Variants in SDK1 observed in about 807,000 individuals in gnomAD.
SDK1 encodes protein sidekick-1.
Under a neutral mutation model 245.5 loss-of-function variants are expected in SDK1, and 157 were observed. The observed-to-expected ratio is 0.64, with a 90% CI of 0.56 to 0.73. SDK1 has a LOEUF of 0.73. Among genes scored for constraint, SDK1 ranks in the 30% least tolerant of loss-of-function variants. SDK1 has a pLI of 0.00. For missense variants in SDK1, 3,583 were observed against 3,002.3 expected, an observed-to-expected ratio of 1.19 and a Z score of -4.52; for synonymous variants, 1,647 against 1,278.5, an observed-to-expected ratio of 1.29 and a Z score of -6.15.
intron 5 of SDK1, among the ~76,000 whole-genome samples, chr7:3,875,375 C>T (rs941635559): frequency 4.6e-5 from 7 of 152,214 alleles, no homozygotes; most frequent in African/African-American, 9.6e-5. Flanking sequence ...TGCCACTTAC[C>T]TTTTAAGTCA....
At chr7:4,064,867 G>A (rs1779767559) in intron 19 of SDK1, among the ~76,000 whole-genome samples, 1 of 152,118 alleles carries the variant, frequency 6.6e-6, no homozygotes, top group Admixed American at 6.5e-5. Flanking sequence ...ATGGAGATAA[G>A]AGAGTAGAAT....
intron 1 of SDK1, among the ~76,000 whole-genome samples, chr7:3,521,316 A>G (rs1297459250): frequency 6.6e-6 from 1 of 152,218 alleles, no homozygotes; most frequent in Non-Finnish European, 1.5e-5. Flanking sequence ...GCTCCCTACT[A>G]CATTTGAAAG....
At position 4,049,283 on chromosome 7, in the gene SDK1, GTCTC is replaced by G. The variant is rs1789260422; in HGVS notation, c.2603-62_2603-59del. On this transcript the variant is annotated intron_variant, in intron 17 of 44. Coordinates refer to ENST00000404826, the MANE Select transcript of SDK1 (RefSeq NM_152744.4). ...GATGGCAGCTAAGGGTTTCCTTTCT[GTCTC>G]TCCACCCCATGGTCCCTCCTGCCAT... 7.2e-6 allele frequency: 9 copies of G among 1,249,368 alleles called. No homozygotes were observed. In the South Asian group the frequency reaches 7.3e-5, roughly 10 times the overall value. 77.4% of individuals were successfully genotyped at this position (1,249,368 alleles called of 1,614,324 possible).
chr7:4,255,265 A>G (rs1787554004), intron 44 of SDK1, among the ~76,000 whole-genome samples: 1 of 152,208 alleles, frequency 6.6e-6, no homozygotes, highest in African/African-American at 2.4e-5. Context: ...GTCCTTAGGT[A>G]TGCTCTGTTC....
At chr7:3,916,274 TTCTC>T (rs1327878448) in intron 5 of SDK1, among the ~76,000 whole-genome samples, 4 of 152,318 alleles carry the variant, frequency 2.6e-5, no homozygotes, top group Admixed American at 2.6e-4. Context: ...TCAATTATGA[TTCTC>T]TCTCTGCTTA....
At chr7:3,831,137 C>G (rs888357585) in intron 5 of SDK1, among the ~76,000 whole-genome samples, 2 of 152,222 alleles carry the variant, frequency 1.3e-5, no homozygotes, top group Non-Finnish European at 2.9e-5. Context: ...CTCTGACATA[C>G]ATCCATTACA....
rs143180434 is a variant in SDK1 at position 3,650,181 on chromosome 7, C to A, written c.713+8076C>A. Reference sequence around the variant, plus strand: ...CCTCCTGCTTTGGCCTCCCAGAGCGCTGGGAGTACAGGTGTGAGTCACCAT... The same window carrying A: ...CCTCCTGCTTTGGCCTCCCAGAGCGATGGGAGTACAGGTGTGAGTCACCAT... On this transcript the variant is annotated intron_variant, in intron 4 of 44. Transcript: ENST00000404826. Among the ~76,000 whole-genome samples, 175 of 152,272 alleles carry A rather than the reference C, an allele frequency of 1.1e-3. 1 individual carries two copies. Among genetic ancestry groups the A allele is most frequent in the African/African-American group, 4.0e-3 (166 of 41,548 alleles).
chr7:4,170,518 T>C (rs113724205), intron 32 of SDK1, among the ~76,000 whole-genome samples: 1 of 152,116 alleles, frequency 6.6e-6, no homozygotes, highest in Non-Finnish European at 1.5e-5. Flanking sequence ...CAAGTGTGTG[T>C]GTGTTATGCA....
chr7:3,631,678 A>T (rs906917161), intron 2 of SDK1, among the ~76,000 whole-genome samples: 1 of 152,204 alleles, frequency 6.6e-6, no homozygotes, highest in Admixed American at 6.5e-5. Context: ...ACAGATATGA[A>T]TGTTTATGGA....
chr7:3,944,267 G>A (rs78153018), intron 5 of SDK1, among the ~76,000 whole-genome samples: 5,964 of 152,252 alleles, frequency 0.039, 308 homozygotes, highest in African/African-American at 0.12. Flanking sequence ...GATAACAATC[G>A]TTATCTTACT....
Position 4,128,487 on chromosome 7 carries a change from A to C in SDK1, c.3939+991A>C, listed in dbSNP as rs552980594. 5.3e-5 allele frequency among the ~76,000 whole-genome samples: 8 copies of C among 152,324 alleles called. No homozygotes were observed. The East Asian group carries it at 1.5e-3, about 29-fold the overall frequency. ...TATGGCCTTCCAGGTCCCCGATCTC[A>C]GGGAGCAGTTCAGAGAAGGTGGGCA... On this transcript the variant is annotated intron_variant, in intron 26 of 44. Coordinates refer to ENST00000404826, the MANE Select transcript of SDK1 (RefSeq NM_152744.4).
rs914582272 is a variant in SDK1 at position 4,249,594 on chromosome 7, A to C, written c.6381+3789A>C. On this transcript the variant is annotated intron_variant, in intron 44 of 44. Transcript: ENST00000404826. ...AAGTCTCTTACAGACCCCACCAGCT[A>C]GCATCCCATAGAGTCCCAGCTAAGA... 4.6e-5 allele frequency among the ~76,000 whole-genome samples: 7 copies of C among 152,166 alleles called. No individual in the cohort carries two copies. In the East Asian group the frequency reaches 1.3e-3, roughly 29 times the overall value.
In SDK1 at chr7:4,077,510, C is replaced by T. The variant is rs369378684; in HGVS notation, c.3202+321C>T. On this transcript the variant is annotated intron_variant, in intron 21 of 44. Transcript: ENST00000404826. ...GCCATGAATACTTTCAAAACAGTAG[C>T]GATGATTGTATTAGTCCATTTTCAT... 4.1e-4 allele frequency among the ~76,000 whole-genome samples: 63 copies of T among 152,226 alleles called. 1 individual carries two copies. Among genetic ancestry groups the T allele is most frequent in the African/African-American group, 1.4e-3 (57 of 41,560 alleles).
chr7:4,262,158 C>T (rs1272527134), intron 44 of SDK1, among the ~76,000 whole-genome samples: 1 of 149,726 alleles, frequency 6.7e-6, no homozygotes, highest in African/African-American at 2.5e-5. Context: ...CCTGCCTCAG[C>T]CTCCCAAGTA....
chr7:3,751,129 G>C (rs533245365), intron 4 of SDK1, among the ~76,000 whole-genome samples: 2 of 152,188 alleles, frequency 1.3e-5, no homozygotes, highest in East Asian at 1.9e-4. Context: ...TCCTCCAGTC[G>C]CTGTGTGGCT....
intron 1 of SDK1, among the ~76,000 whole-genome samples, chr7:3,397,733 A>C (rs759407278): frequency 2.0e-5 from 3 of 152,022 alleles, no homozygotes; most frequent in African/African-American, 7.2e-5. Flanking sequence ...ATTTTTGGCT[A>C]TCATTTCTGT....
chr7:3,680,023 A>G lies in SDK1; in HGVS notation c.713+37918A>G, dbSNP rs377324675. Reference sequence around the variant, plus strand: ...TTTATTTGAGATTAGTAAAAAAATCAGAAACCACTCAGATGTTCCTCAGTG... The same window carrying G: ...TTTATTTGAGATTAGTAAAAAAATCGGAAACCACTCAGATGTTCCTCAGTG... On this transcript the variant is annotated intron_variant, in intron 4 of 44. Coordinates refer to ENST00000404826, the MANE Select transcript of SDK1 (RefSeq NM_152744.4). Among the ~76,000 whole-genome samples the G allele has an allele frequency of 1.9e-4, 29 of 151,182 alleles. 1 individual carries two copies. Among genetic ancestry groups the G allele is most frequent in the African/African-American group, 6.3e-4 (26 of 41,168 alleles).
chr7:3,862,768 G>A (rs137969709), intron 5 of SDK1, among the ~76,000 whole-genome samples: 8 of 152,214 alleles, frequency 5.3e-5, no homozygotes, highest in Non-Finnish European at 8.8e-5. Flanking sequence ...TAGAGCAGCC[G>A]TCCCCAACCT....
chr7:3,680,904 G>A (rs1256858160), intron 4 of SDK1, among the ~76,000 whole-genome samples: 2 of 152,246 alleles, frequency 1.3e-5, no homozygotes, highest in Admixed American at 6.5e-5. Flanking sequence ...GTTCAGTGAT[G>A]CTATCTTGGC....
Sources: gnomAD v4.1 joint callset for allele counts (sites outside exome capture counted in the v4.1 genomes callset) on GRCh38, gnomAD v4.1.1 for gene constraint, MANE v1.5 for transcripts, NCBI Gene and HGNC (gene_info 2026-07-23, HGNC 2026-07-21) for gene names.